MS4A12: variants seen among roughly 807,000 people sequenced by gnomAD.
MS4A12 encodes membrane-spanning 4-domains subfamily A member 12.
A neutral mutation model predicts 23.7 loss-of-function variants in MS4A12; 28 were observed. That is an observed-to-expected ratio of 1.18 (90% confidence interval 0.88 to 1.62). The LOEUF is 1.62. MS4A12 is among the 40% of genes most tolerant of loss of function. MS4A12 has a pLI of 0.00. For synonymous variants in MS4A12, 108 were observed against 110.1 expected, an observed-to-expected ratio of 0.98 and a Z score of 0.12; for missense variants, 342 against 327.0, an observed-to-expected ratio of 1.05 and a Z score of -0.35.
In MS4A12 at chr11:60,497,541, C is replaced by A. The variant is rs146116909; in HGVS notation, c.223C>A (p.Pro75Thr). The A allele has an allele frequency of 6.2e-7, 1 of 1,614,018 alleles. No individual in the cohort carries two copies. Among genetic ancestry groups the A allele is most frequent in the African/African-American group, 1.3e-5 (1 of 75,020 alleles). The change falls in exon 2 of 7, where the codon CCA becomes ACA. Residue 75 changes from proline to threonine, a missense_variant. Physicochemically the swap from Pro to Thr is conservative, Grantham distance 38. Coordinates refer to ENST00000016913, the MANE Select transcript of MS4A12 (RefSeq NM_017716.3). ...TCAAGGAAATATACAAATGATAAATCCAAGTGTGGGAACAGCAGTAATGAA... is the reference window on the plus strand; with the variant it reads ...TCAAGGAAATATACAAATGATAAATACAAGTGTGGGAACAGCAGTAATGAA... ...PGQGNIQMIN[P>T]SVGTAVMNFK...
intron 1 of MS4A12, among the ~76,000 whole-genome samples, chr11:60,494,326 A>C (rs552195075): frequency 1.3e-5 from 2 of 152,382 alleles, no homozygotes; most frequent in South Asian, 4.1e-4. Context: ...TTGATAAATA[A>C]ATGAAAAGTA....
Position 60,503,732 on chromosome 11 carries a change from G to C in MS4A12, c.503G>C (p.Ser168Thr). 2.5e-6 allele frequency: 4 copies of C among 1,613,704 alleles called. No individual in the cohort carries two copies. Among genetic ancestry groups the C allele is most frequent in the Non-Finnish European group, 3.4e-6 (4 of 1,179,776 alleles). The change falls in exon 5 of 7, where the codon AGT becomes ACT. Residue 168 changes from serine to threonine, a missense_variant. Ser to Thr is a moderately conservative substitution (Grantham distance 58). Transcript: ENST00000016913. ...VKGSLGMNIV[S>T]SILAFIGVIL... ...GGCAGCCTGGGAATGAACATTGTTA[G>C]TTCTATCTTGGCCTTCATTGGAGTG... is the stretch of plus-strand genomic sequence containing the variant.
chr11:60,498,349 C>A (rs530004195), intron 2 of MS4A12, among the ~76,000 whole-genome samples: 1 of 152,320 alleles, frequency 6.6e-6, no homozygotes, highest in East Asian at 1.9e-4. Context: ...GTGCCAGAAA[C>A]TCTTCTAGCC....
intron 2 of MS4A12, 105 bp from the exon 3 acceptor site, chr11:60,500,940 A>G: frequency 7.5e-7 from 1 of 1,329,348 alleles, no homozygotes; most frequent in Non-Finnish European, 1.0e-6. Context: ...ACAACGATGG[A>G]TCTCAGCAAA....
chr11:60,500,459 G>T (rs574733118), intron 2 of MS4A12, among the ~76,000 whole-genome samples: 7 of 152,158 alleles, frequency 4.6e-5, no homozygotes, highest in Non-Finnish European at 7.4e-5. Flanking sequence ...CAGTCAATGT[G>T]CTGCAGTAAA....
At chr11:60,500,174 G>A (rs963993117) in intron 2 of MS4A12, among the ~76,000 whole-genome samples, 3 of 150,354 alleles carry the variant, frequency 2.0e-5, no homozygotes, top group African/African-American at 7.4e-5. Flanking sequence ...CCGGGAGGCG[G>A]AGCTTGCAGT....
At chr11:60,499,072 ATACTT>A (rs2086511251) in intron 2 of MS4A12, among the ~76,000 whole-genome samples, 1 of 152,228 alleles carries the variant, frequency 6.6e-6, no homozygotes, top group Non-Finnish European at 1.5e-5. Flanking sequence ...TGTGATAAAA[ATACTT>A]TAAAAGAATG....
At chr11:60,501,207 T>C (rs747101243) in intron 3 of MS4A12, 25 bp downstream of exon 3, 1 of 1,569,962 alleles carries the variant, frequency 6.4e-7, no homozygotes, top group Non-Finnish European at 8.6e-7. Flanking sequence ...AGAACACCAG[T>C]CCTTCTTGGT....
At chr11:60,499,214 G>T (rs1191932342) in intron 2 of MS4A12, among the ~76,000 whole-genome samples, 3 of 152,234 alleles carry the variant, frequency 2.0e-5, no homozygotes, top group African/African-American at 4.8e-5. Flanking sequence ...GGCAGGACTT[G>T]GCACACCTGT....
intron 4 of MS4A12, among the ~76,000 whole-genome samples, chr11:60,503,460 T>C (rs1226029570): frequency 6.6e-6 from 1 of 152,214 alleles, no homozygotes; most frequent in South Asian, 2.1e-4. Flanking sequence ...ATCCAATAGA[T>C]GAGTGCCTGC....
chr11:60,501,730 T>C (rs1392867745), intron 3 of MS4A12, among the ~76,000 whole-genome samples: 1 of 151,852 alleles, frequency 6.6e-6, no homozygotes, highest in Admixed American at 6.6e-5. Flanking sequence ...TGAGAAGGGA[T>C]GGAGCAGTAA....
Position 60,497,586 on chromosome 11 carries a change from G to A in MS4A12, c.268G>A (p.Ala90Thr), listed in dbSNP as rs1299062920. The change falls in exon 2 of 7, where the codon GCA becomes ACA. Residue 90 changes from alanine (A) to threonine (T), a missense_variant. Transcript: ENST00000016913. Reference protein sequence around the residue: ...AVMNFKEEAKALGVIQIMVGL... With the variant: ...AVMNFKEEAKTLGVIQIMVGL... ...AATGAACTTTAAAGAAGAAGCAAAG[G>A]CACTAGGGGTAAGTCTATTTACTAC... 1.2e-6 allele frequency: 2 copies of A among 1,613,940 alleles called. No homozygotes were observed. The highest frequency in any genetic ancestry group is 1.7e-6 in the Non-Finnish European group (2 of 1,179,848).
At chr11:60,500,066 G>A (rs891392976) in intron 2 of MS4A12, among the ~76,000 whole-genome samples, 19 of 151,708 alleles carry the variant, frequency 1.3e-4, no homozygotes, top group Non-Finnish European at 2.2e-4. Flanking sequence ...GTGAAACCCC[G>A]TCTCTACTAA....
chr11:60,503,674 T>A (rs781269869), intron 4 of MS4A12, 27 bp from the exon 5 acceptor site: 1 of 1,550,344 alleles, frequency 6.5e-7, no homozygotes, highest in African/African-American at 1.4e-5. Context: ...CTGTATATAA[T>A]TGATTTTTTC....
intron 3 of MS4A12, 121 bp from the exon 4 acceptor site, chr11:60,501,862 C>T (rs1042472012): frequency 3.8e-5 from 32 of 850,026 alleles, no homozygotes; most frequent in African/African-American, 1.0e-4. Context: ...TTCAGAAGTG[C>T]GAGAGAAAAT....
At chr11:60,496,972 C>A (rs1204202989) in intron 1 of MS4A12, among the ~76,000 whole-genome samples, 1 of 152,186 alleles carries the variant, frequency 6.6e-6, no homozygotes, top group Non-Finnish European at 1.5e-5. Context: ...GAGCATGCAA[C>A]CTAGATCCCC....
At chr11:60,502,280 A>T (rs1175886326) in intron 4 of MS4A12, among the ~76,000 whole-genome samples, 2 of 152,184 alleles carry the variant, frequency 1.3e-5, no homozygotes, top group Non-Finnish European at 2.9e-5. Context: ...AGTAGTAAAA[A>T]TCAGGGTTGT....
At chr11:60,493,403 C>T (rs532343577) in intron 1 of MS4A12, among the ~76,000 whole-genome samples, 1 of 148,858 alleles carries the variant, frequency 6.7e-6, no homozygotes. Flanking sequence ...AAAGCTAATG[C>T]TAAGAAAGGT....
At chr11:60,495,300 C>T (rs1002057714) in intron 1 of MS4A12, among the ~76,000 whole-genome samples, 3 of 151,592 alleles carry the variant, frequency 2.0e-5, no homozygotes, top group Non-Finnish European at 4.4e-5. Context: ...AAAAAAAATT[C>T]CTCTGTAATC....
Sources: allele counts gnomAD v4.1 joint callset (sites outside exome capture counted in the v4.1 genomes callset), GRCh38; gene constraint gnomAD v4.1.1; transcripts MANE v1.5; gene names NCBI Gene and HGNC (gene_info 2026-07-23, HGNC 2026-07-21).